MALT1: variants seen among roughly 807,000 people sequenced by gnomAD.
The protein encoded by MALT1 is MALT1 paracaspase, also known as mucosa-associated lymphoid tissue lymphoma translocation protein 1.
A neutral mutation model predicts 85.5 loss-of-function variants in MALT1; 36 were observed. The observed-to-expected ratio is 0.42, with a 90% CI of 0.32 to 0.56. The LOEUF is 0.56. Ranked by LOEUF, MALT1 falls within the 20% of genes least tolerant of loss-of-function variation. MALT1 has a pLI of 0.10. For missense variants in MALT1, 716 were observed against 981.6 expected (o/e 0.73, Z 3.62); for synonymous variants, 359 against 361.3 (o/e 0.99, Z 0.07).
chr18:58,676,362 T>TA (rs201928321), intron 1 of MALT1, among the ~76,000 whole-genome samples: 9 of 150,348 alleles, frequency 6.0e-5, no homozygotes, highest in East Asian at 1.9e-4. Flanking sequence ...TAGACCCCAT[T>TA]AAAAAAAAAT....
chr18:58,747,622 C>A lies in MALT1; in HGVS notation c.2255C>A (p.Ser752Ter), dbSNP rs1452185543. 6.2e-7 allele frequency: 1 copy of A among 1,614,204 alleles called. No individual in the cohort carries two copies. Among genetic ancestry groups the A allele is most frequent in the Non-Finnish European group, 8.5e-7 (1 of 1,180,006 alleles). ...ATSGGAGHYHSLQDPFHGVYH... is the reference protein window; with the variant it reads ...ATSGGAGHYH ...TCAGGAGGAGCAGGGCATTATCACTCATTGCAAGACCCATTCCATGGTGTT... is the reference window on the plus strand; with the variant it reads ...TCAGGAGGAGCAGGGCATTATCACTAATTGCAAGACCCATTCCATGGTGTT... The change falls in exon 17 of 17, where the codon TCA becomes TAA. Residue 752 changes from serine (S) to a stop codon, truncating the protein, a stop_gained. Coordinates refer to ENST00000649217, the MANE Select transcript of MALT1 (RefSeq NM_006785.4). LOFTEE classifies it low-confidence loss of function (END_TRUNC).
At chr18:58,735,847 G>A (rs2055215004) in intron 13 of MALT1, among the ~76,000 whole-genome samples, 1 of 152,144 alleles carries the variant, frequency 6.6e-6, no homozygotes, top group Non-Finnish European at 1.5e-5. Flanking sequence ...TGATCCTAGG[G>A]GGTCTAATGC....
In MALT1 at chr18:58,739,107, C is replaced by T. The variant is rs1050864509; in HGVS notation, c.1604-2758C>T. ...AGAAAATAGGATGTTTCTTTTCTTT[C>T]AATTTCTTAATATGGTGAGTTAAAT... On this transcript the variant is annotated intron_variant, in intron 13 of 16. Coordinates refer to ENST00000649217, the MANE Select transcript of MALT1 (RefSeq NM_006785.4). Among the ~76,000 whole-genome samples the T allele has an allele frequency of 1.2e-4, 19 of 152,044 alleles. 1 individual carries two copies.
At chr18:58,675,818 C>G (rs978480066) in intron 1 of MALT1, among the ~76,000 whole-genome samples, 1 of 152,266 alleles carries the variant, frequency 6.6e-6, no homozygotes, top group Admixed American at 6.5e-5. Context: ...CTTTGAACTC[C>G]TAGATTCACG....
At position 58,723,186 on chromosome 18, in the gene MALT1, T is replaced by G; in HGVS notation, c.1157T>G (p.Leu386Arg). Residue 386 changes from leucine (L) to arginine (R), a missense_variant, in exon 10 of 17, where the codon CTT becomes CGT. Physicochemically the swap from Leu to Arg is moderately radical, Grantham distance 102 (BLOSUM62 -2). This residue lies in a region of MALT1 where 86 missense variants were observed against 212.3 expected (regional missense o/e 0.41). Transcript: ENST00000649217. ...TTCAAAGTGGTTTCACTGTTGGATC[T>G]TACTGAATATGAGATGCGTAATGCT... Reference protein sequence around the residue: ...LDFKVVSLLDLTEYEMRNAVD... With the variant: ...LDFKVVSLLDRTEYEMRNAVD... The G allele has an allele frequency of 6.2e-7, 1 of 1,614,126 alleles. No individual in the cohort carries two copies. The highest frequency in any genetic ancestry group is 8.5e-7 in the Non-Finnish European group (1 of 1,179,956).
chr18:58,694,870 T>C (rs1411047839), intron 2 of MALT1, among the ~76,000 whole-genome samples: 1 of 152,202 alleles, frequency 6.6e-6, no homozygotes, highest in African/African-American at 2.4e-5. Context: ...TCAAGAGACC[T>C]CATTTCCTCA....
intron 9 of MALT1, among the ~76,000 whole-genome samples, chr18:58,721,641 T>G (rs1307365134): frequency 2.0e-5 from 3 of 152,214 alleles, no homozygotes; most frequent in Non-Finnish European, 4.4e-5. Context: ...GTCTTTTAAA[T>G]TGATGCTAGT....
intron 4 of MALT1, among the ~76,000 whole-genome samples, chr18:58,704,022 T>C (rs2054711184): frequency 6.6e-6 from 1 of 152,192 alleles, no homozygotes; most frequent in South Asian, 2.1e-4. Flanking sequence ...AGTCCCATCT[T>C]TTTGCTGAGT....
intron 10 of MALT1, among the ~76,000 whole-genome samples, chr18:58,729,971 G>C (rs780084896): frequency 3.3e-5 from 5 of 152,224 alleles, no homozygotes; most frequent in Non-Finnish European, 7.3e-5. Flanking sequence ...TTACCAGGTA[G>C]TAGTTACCAG....
Position 58,749,224 on chromosome 18 carries a change from AGT to A in MALT1, c.*1385_*1386del, listed in dbSNP as rs2055414191. On this transcript the variant is annotated 3_prime_UTR_variant, in exon 17 of 17. Coordinates refer to ENST00000649217, the MANE Select transcript of MALT1 (RefSeq NM_006785.4). ...TATGGAACAACTGCTTTTAGGAGAA[AGT>A]GTATTTGTGTATATGTGTGTATACA... 1 of 216,680 alleles carries A rather than the reference AGT, an allele frequency of 4.6e-6. No homozygotes were observed. The highest frequency in any genetic ancestry group is 5.8e-5 in the Admixed American group (1 of 17,256). The allele number at this position is 216,680 out of a possible 1,614,324, so 13.4% of individuals were successfully genotyped here. A position where few individuals can be genotyped will look rare whatever the true frequency, so the allele number is the denominator to read the frequency against.
intron 15 of MALT1, among the ~76,000 whole-genome samples, chr18:58,745,373 G>T (rs2055351942): frequency 6.6e-6 from 1 of 152,200 alleles, no homozygotes; most frequent in African/African-American, 2.4e-5. Flanking sequence ...GGCTCTCTCT[G>T]CTTAAGAGGA....
In MALT1 at chr18:58,747,712, C is replaced by T; in HGVS notation, c.2345C>T (p.Thr782Ile). The stretch of plus-strand genomic sequence containing the variant: ...GCAGATAGCTGTCATTGCAGCCGGA[C>T]TCCAGATGCATTTATTTCAAGTTTC... The part of the protein sequence containing the change: ...TPADSCHCSR[T>I]PDAFISSFAH... Residue 782 changes from threonine (T) to isoleucine (I), a missense_variant, in exon 17 of 17, where the codon ACT (threonine) becomes ATT (isoleucine). This residue lies in a region of MALT1 where 260 missense variants were observed against 323.7 expected (regional missense o/e 0.80). Coordinates refer to ENST00000649217, the MANE Select transcript of MALT1 (RefSeq NM_006785.4). 1.9e-6 allele frequency: 3 copies of T among 1,614,078 alleles called. No individual in the cohort carries two copies. The highest frequency in any genetic ancestry group is 2.5e-6 in the Non-Finnish European group (3 of 1,179,966).
At chr18:58,697,074 G>A (rs1231772774) in intron 3 of MALT1, 1 of 152,012 alleles carries the variant, frequency 6.6e-6, no homozygotes. Flanking sequence ...TCTTGCACTG[G>A]GGATTTCTCA....
chr18:58,746,083 A>G (rs1003998910), intron 16 of MALT1, among the ~76,000 whole-genome samples: 5 of 152,156 alleles, frequency 3.3e-5, no homozygotes, highest in African/African-American at 1.2e-4. Context: ...AGTGGCATGA[A>G]CATGACCTAC....
At chr18:58,677,189 A>G (rs1377143634) in intron 1 of MALT1, among the ~76,000 whole-genome samples, 1 of 62,906 alleles carries the variant, frequency 1.6e-5, no homozygotes, top group African/African-American at 1.1e-4. Context: ...GAAAATCAGT[A>G]AAAACAAAAA....
At chr18:58,716,238 C>T (rs1286463193) in intron 9 of MALT1, among the ~76,000 whole-genome samples, 3 of 152,166 alleles carry the variant, frequency 2.0e-5, no homozygotes, top group Admixed American at 1.3e-4. Context: ...GAAACATGTA[C>T]ATGCTGCATA....
intron 10 of MALT1, among the ~76,000 whole-genome samples, chr18:58,725,649 TG>T (rs373429865): frequency 3.4e-4 from 52 of 152,358 alleles, no homozygotes; most frequent in African/African-American, 1.2e-3. Context: ...GTTTCTGTAT[TG>T]GTGAAGTATT....
At chr18:58,747,380 T>G in intron 16 of MALT1, 25 bp from the exon 17 acceptor site, 1 of 1,508,902 alleles carries the variant, frequency 6.6e-7, no homozygotes. Flanking sequence ...ATGCCAATAA[T>G]AAACCAGATT....
chr18:58,746,317 C>G (rs2055366494), intron 16 of MALT1, among the ~76,000 whole-genome samples: 1 of 152,234 alleles, frequency 6.6e-6, no homozygotes, highest in African/African-American at 2.4e-5. Flanking sequence ...CCACTCCCAG[C>G]TCCATATTCT....
Sources: gnomAD v4.1 joint callset for allele counts (sites outside exome capture counted in the v4.1 genomes callset) on GRCh38, gnomAD v4.1.1 for gene constraint, gnomAD v4.1.1 regional missense constraint, MANE v1.5 for transcripts, NCBI Gene and HGNC (gene_info 2026-07-23, HGNC 2026-07-21) for gene names.